The following TENT5D variants were observed in gnomAD, a reference collection of about 807,000 sequenced individuals.
TENT5D encodes cancer/testis antigen 112.
For missense variants in TENT5D, 191 were observed against 287.0 expected, an observed-to-expected ratio of 0.67 and a Z score of 2.42; for synonymous variants, 103 against 100.6, an observed-to-expected ratio of 1.02 and a Z score of -0.15.
At chrX:80,358,767 G>A (rs1930342144) in intron 3 of TENT5D, among the ~76,000 whole-genome samples, 1 of 111,921 alleles carries the variant, frequency 8.9e-6, no homozygotes, top group African/African-American at 3.2e-5. Flanking sequence ...CCTCAAGGAA[G>A]TTACTATGCA....
upstream of TENT5D, among the ~76,000 whole-genome samples, chrX:80,417,398 T>A (rs1494481): frequency 0.55 from 60,153 of 108,469 alleles, 13,602 homozygotes; most frequent in Non-Finnish European, 0.71. Context: ...ATTGTATCAG[T>A]CATCTGTGTG....
chrX:80,354,245 C>T (rs774638081), intron 3 of TENT5D, among the ~76,000 whole-genome samples: 5 of 111,413 alleles, frequency 4.5e-5, no homozygotes, highest in Non-Finnish European at 7.5e-5. Flanking sequence ...GTTGATCTCT[C>T]TAGTGAGGTT....
intron 3 of TENT5D, among the ~76,000 whole-genome samples, chrX:80,346,698 A>G (rs1930069590): frequency 9.0e-6 from 1 of 111,215 alleles, no homozygotes; most frequent in South Asian, 3.9e-4. Context: ...TCTGGGATAC[A>G]TGTGCTGAAT....
chrX:80,428,553 G>A (rs1196244356), intron 1 of TENT5D, among the ~76,000 whole-genome samples: 1 of 112,532 alleles, frequency 8.9e-6, no homozygotes, highest in East Asian at 2.8e-4. Context: ...ACTGAAGAAA[G>A]CTGCTGCTTT....
intron 3 of TENT5D, among the ~76,000 whole-genome samples, chrX:80,379,001 G>T (rs1467259127): frequency 9.2e-6 from 1 of 108,205 alleles, no homozygotes; most frequent in East Asian, 2.9e-4. Flanking sequence ...TTGGCTGTGG[G>T]TTTCTCATGA....
chrX:80,405,223 A>G (rs922409789), intron 3 of TENT5D, among the ~76,000 whole-genome samples: 1 of 111,945 alleles, frequency 8.9e-6, no homozygotes, highest in Non-Finnish European at 1.9e-5. Flanking sequence ...GAGTAAATCA[A>G]TCTGTTAAGA....
intron 3 of TENT5D, among the ~76,000 whole-genome samples, chrX:80,409,299 A>G: frequency 9.0e-6 from 1 of 110,673 alleles, no homozygotes; most frequent in East Asian, 2.9e-4. Context: ...GGAAAAGAGG[A>G]AGTCAAATTG....
At chrX:80,395,708 C>A (rs1225132123) in intron 3 of TENT5D, among the ~76,000 whole-genome samples, 8 of 110,270 alleles carry the variant, frequency 7.3e-5, no homozygotes, top group Non-Finnish European at 1.3e-4. Flanking sequence ...TTGGGAATGT[C>A]AAATATCCTT....
chrX:80,415,066 T>C (rs1474632693), intron 3 of TENT5D, among the ~76,000 whole-genome samples: 1 of 111,919 alleles, frequency 8.9e-6, no homozygotes, highest in Non-Finnish European at 1.9e-5. Context: ...TTGAATGGTA[T>C]TGCATTCTTC....
chrX:80,387,017 T>C (rs897605124), intron 3 of TENT5D, among the ~76,000 whole-genome samples: 1 of 112,466 alleles, frequency 8.9e-6, no homozygotes, highest in South Asian at 3.6e-4. Context: ...GGTAAACAAC[T>C]CTTATCAAAA....
intron 3 of TENT5D, among the ~76,000 whole-genome samples, chrX:80,345,348 C>T (rs1004411031): frequency 2.7e-5 from 3 of 111,800 alleles, no homozygotes; most frequent in African/African-American, 9.7e-5. Flanking sequence ...ACCTCTTCAT[C>T]TTCCTTAGAA....
chrX:80,388,759 G>A (rs1419139594), intron 3 of TENT5D, among the ~76,000 whole-genome samples: 1 of 111,861 alleles, frequency 8.9e-6, no homozygotes, highest in Non-Finnish European at 1.9e-5. Flanking sequence ...AGTGTTTCAT[G>A]TTCCCCTCAA....
chrX:80,415,560 TG>T (rs1344293873), upstream of TENT5D, among the ~76,000 whole-genome samples: 2 of 112,162 alleles, frequency 1.8e-5, no homozygotes, highest in Non-Finnish European at 1.9e-5. Flanking sequence ...GAGATTTTCA[TG>T]TTGTTGTTGT....
chrX:80,416,309 G>T (rs1162143820), upstream of TENT5D, among the ~76,000 whole-genome samples: 1 of 85,695 alleles, frequency 1.2e-5, no homozygotes, highest in African/African-American at 4.5e-5. Flanking sequence ...GTTCGGCTGT[G>T]ATTATGGTAT....
chrX:80,397,887 C>T (rs1931313603), intron 3 of TENT5D, among the ~76,000 whole-genome samples: 1 of 111,610 alleles, frequency 9.0e-6, no homozygotes. Flanking sequence ...CAGTACAGTC[C>T]AGCTTCGGCT....
At chrX:80,427,161 T>G (rs1179649818) in intron 1 of TENT5D, among the ~76,000 whole-genome samples, 1 of 111,929 alleles carries the variant, frequency 8.9e-6, no homozygotes, top group Non-Finnish European at 1.9e-5. Flanking sequence ...TACAGTAGAC[T>G]TAATTACATG....
At chrX:80,431,210 C>G in intron 1 of TENT5D, among the ~76,000 whole-genome samples, 1 of 111,625 alleles carries the variant, frequency 9.0e-6, no homozygotes, top group Non-Finnish European at 1.9e-5. Flanking sequence ...ATCTGTCTTA[C>G]CGGGATGGCT....
chrX:80,396,335 G>A (rs188919029), intron 3 of TENT5D, among the ~76,000 whole-genome samples: 1 of 109,821 alleles, frequency 9.1e-6, no homozygotes, highest in South Asian at 4.0e-4. Context: ...GGATTTGGCA[G>A]GGTCATAGGA....
chrX:80,370,737 T>G (rs929276249), intron 3 of TENT5D, among the ~76,000 whole-genome samples: 8 of 107,979 alleles, frequency 7.4e-5, no homozygotes, highest in African/African-American at 2.1e-4. Context: ...ATCTCATTGG[T>G]TTTTTTTTAG....
Sources: allele counts gnomAD v4.1 joint callset (sites outside exome capture counted in the v4.1 genomes callset), GRCh38; gene constraint gnomAD v4.1.1; transcripts MANE v1.5; gene names NCBI Gene and HGNC (gene_info 2026-07-23, HGNC 2026-07-21).